The following ADAMTS6 variants were observed in gnomAD, a reference collection of about 807,000 sequenced individuals.
ADAMTS6 encodes A disintegrin and metalloproteinase with thrombospondin motifs 6.
A neutral mutation model predicts 144.3 loss-of-function variants in ADAMTS6; 23 were observed. The ratio of observed to expected loss-of-function variants is 0.16; its 90% CI spans 0.11 to 0.23. The LOEUF (loss-of-function observed/expected upper bound fraction) is 0.23. Ranked by LOEUF, ADAMTS6 falls within the 10% of genes least tolerant of loss-of-function variation. The pLI is 1.00. For missense variants in ADAMTS6, 999 were observed against 1,379.6 expected (o/e 0.72, Z 4.37); for synonymous variants, 444 against 457.5 (o/e 0.97, Z 0.38).
chr5:65,239,458 G>A (rs1014208480), intron 15 of ADAMTS6, among the ~76,000 whole-genome samples: 2 of 152,030 alleles, frequency 1.3e-5, no homozygotes, highest in Admixed American at 1.3e-4. Context: ...AAGACTTTTG[G>A]AAGAAAACAT....
At chr5:65,472,688 A>G (rs1409330621) in intron 2 of ADAMTS6, among the ~76,000 whole-genome samples, 2 of 152,182 alleles carry the variant, frequency 1.3e-5, no homozygotes, top group Non-Finnish European at 2.9e-5. Context: ...CTATACATGG[A>G]GTTTACACAC....
chr5:65,259,515 G>T (rs994503721), intron 14 of ADAMTS6, among the ~76,000 whole-genome samples: 6 of 152,158 alleles, frequency 3.9e-5, no homozygotes, highest in African/African-American at 1.4e-4. Context: ...GAAGTAGTAA[G>T]CTGAAGACTT....
intron 7 of ADAMTS6, among the ~76,000 whole-genome samples, chr5:65,392,445 AT>A (rs1463409710): frequency 1.3e-5 from 2 of 152,174 alleles, no homozygotes; most frequent in Non-Finnish European, 2.9e-5. Context: ...GTATTTTACT[AT>A]AAAGAGGAAC....
intron 7 of ADAMTS6, among the ~76,000 whole-genome samples, chr5:65,435,661 C>G (rs1257008348): frequency 1.3e-5 from 2 of 151,372 alleles, no homozygotes; most frequent in African/African-American, 2.4e-5. Flanking sequence ...AGTCTTGCTC[C>G]ATTATTCAGG....
intron 21 of ADAMTS6, 84 bp from the exon 22 acceptor site, chr5:65,188,304 G>A (rs941513063): frequency 7.1e-5 from 89 of 1,248,804 alleles, no homozygotes; most frequent in South Asian, 6.2e-4. Context: ...CACTTTCACT[G>A]ATGGACTACG....
At chr5:65,257,128 C>T (rs531980801) in intron 14 of ADAMTS6, among the ~76,000 whole-genome samples, 20 of 151,572 alleles carry the variant, frequency 1.3e-4, no homozygotes, top group Middle Eastern at 6.8e-3. Flanking sequence ...CTGTGCCTTG[C>T]TTTCTCATTT....
At chr5:65,448,482 T>C (rs1331360774) in intron 7 of ADAMTS6, among the ~76,000 whole-genome samples, 1 of 150,760 alleles carries the variant, frequency 6.6e-6, no homozygotes, top group Non-Finnish European at 1.5e-5. Context: ...TTTTTTTTGC[T>C]CTCTCTGTCA....
At chr5:65,239,909 C>T (rs912103327) in intron 15 of ADAMTS6, among the ~76,000 whole-genome samples, 4 of 152,130 alleles carry the variant, frequency 2.6e-5, no homozygotes, top group Non-Finnish European at 4.4e-5. Context: ...GAGTGAAATA[C>T]GCTACAATCA....
intron 7 of ADAMTS6, among the ~76,000 whole-genome samples, chr5:65,356,470 A>G (rs1053673556): frequency 2.0e-5 from 3 of 151,838 alleles, no homozygotes; most frequent in African/African-American, 7.2e-5. Flanking sequence ...GTTTATCTCA[A>G]AAGCATATTT....
chr5:65,433,791 T>C (rs1757179084), intron 7 of ADAMTS6, among the ~76,000 whole-genome samples: 1 of 152,194 alleles, frequency 6.6e-6, no homozygotes, highest in Non-Finnish European at 1.5e-5. Context: ...GTGGCCATGA[T>C]GTGGAGAAAT....
chr5:65,312,591 T>C (rs1242243613), intron 9 of ADAMTS6, among the ~76,000 whole-genome samples: 1 of 151,988 alleles, frequency 6.6e-6, no homozygotes, highest in East Asian at 1.9e-4. Flanking sequence ...ATACTGAACT[T>C]AGGTAGGAAT....
intron 22 of ADAMTS6, among the ~76,000 whole-genome samples, chr5:65,180,827 C>A (rs1029502618): frequency 2.0e-5 from 3 of 152,192 alleles, no homozygotes; most frequent in Non-Finnish European, 4.4e-5. Flanking sequence ...CTCTATATGT[C>A]AGCCATATAA....
intron 7 of ADAMTS6, among the ~76,000 whole-genome samples, chr5:65,411,473 G>A (rs1018353593): frequency 6.6e-6 from 1 of 152,132 alleles, no homozygotes; most frequent in Non-Finnish European, 1.5e-5. Context: ...ATAAATGACT[G>A]TAATCCAATG....
At chr5:65,401,257 A>G (rs1197713611) in intron 7 of ADAMTS6, among the ~76,000 whole-genome samples, 1 of 152,152 alleles carries the variant, frequency 6.6e-6, no homozygotes, top group Non-Finnish European at 1.5e-5. Flanking sequence ...TGAACTCTTG[A>G]ACAAATATTT....
chr5:65,480,861 C>A lies in ADAMTS6; in HGVS notation c.-280+482G>T, dbSNP rs531038425. On this transcript the variant is annotated intron_variant, in intron 1 of 24. Transcript: ENST00000381055. The stretch of plus-strand genomic sequence containing the variant: ...TAGAGCATCGGGGCTACAGCTAGCA[C>A]ATTAATGCTACCCTCTGAGCCCAGG... Among the ~76,000 whole-genome samples the A allele has an allele frequency of 3.9e-5, 6 of 152,276 alleles. No individual in the cohort carries two copies. The South Asian group carries it at 1.0e-3, about 26-fold the overall frequency.
rs187863338 is a variant in ADAMTS6 at position 65,478,923 on chromosome 5, C to G, written c.-280+2420G>C. Among the ~76,000 whole-genome samples, 961 of 152,306 alleles carry G rather than the reference C, an allele frequency of 6.3e-3. 6 individuals carry two copies. The highest frequency in any genetic ancestry group is 8.5e-3 in the Non-Finnish European group (581 of 68,026). On this transcript the variant is annotated intron_variant, in intron 1 of 24. Transcript: ENST00000381055. ...AAGAAAAATGATGAGACAACTTGCA[C>G]TATAGTGATTTCCTCAGTAGTCTGC... is the stretch of plus-strand genomic sequence containing the variant.
chr5:65,319,383 G>T (rs1057186133), intron 9 of ADAMTS6, among the ~76,000 whole-genome samples: 4 of 151,216 alleles, frequency 2.6e-5, no homozygotes, highest in Non-Finnish European at 5.9e-5. Context: ...CAATGAAATA[G>T]AAAATGAGCA....
chr5:65,400,493 G>C (rs972419180), intron 7 of ADAMTS6, among the ~76,000 whole-genome samples: 1 of 152,082 alleles, frequency 6.6e-6, no homozygotes, highest in African/African-American at 2.4e-5. Context: ...TGGAATTATA[G>C]GCATGAGCCA....
chr5:65,203,826 T>C (rs1353113434), intron 20 of ADAMTS6, among the ~76,000 whole-genome samples: 1 of 152,204 alleles, frequency 6.6e-6, no homozygotes. Context: ...AGATGAATAA[T>C]GTTATGACTG....
Sources: gnomAD v4.1 joint callset for allele counts (sites outside exome capture counted in the v4.1 genomes callset) on GRCh38, gnomAD v4.1.1 for gene constraint, MANE v1.5 for transcripts, NCBI Gene and HGNC (gene_info 2026-07-23, HGNC 2026-07-21) for gene names.